Variants in DOC2A observed in about 807,000 individuals in gnomAD.
DOC2A encodes the protein double C2 domain alpha, also known as double C2-like domain-containing protein alpha.
A neutral mutation model predicts 40.6 loss-of-function variants in DOC2A; 28 were observed. That is an observed-to-expected ratio of 0.69 (90% CI 0.51 to 0.95). The LOEUF is 0.95. DOC2A is among the 40% of genes least tolerant of loss of function. The pLI, the probability that DOC2A is intolerant of heterozygous loss-of-function variation, is 0.00. For missense variants in DOC2A, 474 were observed against 552.5 expected (o/e 0.86, Z 1.42); for synonymous variants, 241 against 236.9 (o/e 1.02, Z -0.16).
At chr16:30,015,701 CT>C (rs71276819), upstream of DOC2A, among the ~76,000 whole-genome samples, 111 of 122,950 alleles carry the variant, frequency 9.0e-4, no homozygotes, top group Non-Finnish European at 9.4e-4. Context: ...CTTCCTTTTT[CT>C]TTTTTTTTTT....
chr16:30,022,488 T>C (rs2070926268), upstream of DOC2A, among the ~76,000 whole-genome samples: 1 of 151,666 alleles, frequency 6.6e-6, no homozygotes, highest in African/African-American at 2.4e-5. Flanking sequence ...CTGGGCAACA[T>C]AGCAAGCCCT....
rs764522373 is a variant in DOC2A, at chr16:30,010,953, G to GGGC, written c.-67_-65dup. On this transcript the variant is annotated 5_prime_UTR_variant, in exon 1 of 11. Coordinates refer to ENST00000350119, the MANE Select transcript of DOC2A (RefSeq NM_003586.3). This position sits in a 1 kb window ranked among gnomAD's most constrained non-coding sequence, Gnocchi z 4.2. Reference sequence around the variant, plus strand: ...ACTGGGGGGACGGCGGGCGCAGGCTGGGCGGCGGCGGCCGGCGAGGAGAGC... The same window carrying GGGC: ...ACTGGGGGGACGGCGGGCGCAGGCTGGGCGGCGGCGGCGGCCGGCGAGGAGAGC... 90 of 1,011,560 alleles carry GGGC rather than the reference G, an allele frequency of 8.9e-5. No individual in the cohort carries two copies. The East Asian group carries it at 6.7e-3, about 75-fold the overall frequency. 62.7% of individuals were successfully genotyped at this position (1,011,560 alleles called of 1,614,324 possible).
At chr16:30,011,519 GTCAT>G, upstream of DOC2A, 1 of 624,208 alleles carries the variant, frequency 1.6e-6, no homozygotes, top group Non-Finnish European at 2.0e-6. Flanking sequence ...CGGCCTCGTT[GTCAT>G]GGCGACGCCG....
intron 1 of DOC2A, among the ~76,000 whole-genome samples, chr16:30,018,375 T>A (rs748293197): frequency 6.6e-6 from 1 of 152,068 alleles, no homozygotes; most frequent in Non-Finnish European, 1.5e-5. Flanking sequence ...GCTTGGAGTG[T>A]AGCAGCACGA....
At chr16:30,022,217 A>G (rs2070920906), upstream of DOC2A, among the ~76,000 whole-genome samples, 1 of 120,208 alleles carries the variant, frequency 8.3e-6, no homozygotes, top group Non-Finnish European at 1.6e-5. Context: ...TCTGCACTCC[A>G]GCCTGGCGGA....
In DOC2A at chr16:30,005,990, C is replaced by T; in HGVS notation, c.*196G>A. The T allele has an allele frequency of 1.5e-6, 1 of 647,988 alleles. No homozygotes were observed. 40.1% of individuals were successfully genotyped at this position (647,988 alleles called of 1,614,324 possible). On this transcript the variant is annotated 3_prime_UTR_variant, in exon 11 of 11. Coordinates refer to ENST00000350119, the MANE Select transcript of DOC2A (RefSeq NM_003586.3). ...TGCATATTTGCAGGGACTAGCGAGT[C>T]AGGCAGGAGGTTTGCATATGTGAAT...
At chr16:30,017,992 A>T (rs181847631) in intron 1 of DOC2A, among the ~76,000 whole-genome samples, 1 of 135,420 alleles carries the variant, frequency 7.4e-6, no homozygotes, top group East Asian at 2.4e-4. Flanking sequence ...AGAAAAGAAA[A>T]TTGAGGCTGG....
At chr16:30,022,521 A>G (rs2070927367), upstream of DOC2A, among the ~76,000 whole-genome samples, 1 of 152,042 alleles carries the variant, frequency 6.6e-6, no homozygotes, top group African/African-American at 2.4e-5. Flanking sequence ...AAATGCAAAA[A>G]TTAGCCGGGC....
chr16:30,020,718 A>G (rs2150965070), intron 1 of DOC2A, among the ~76,000 whole-genome samples: 1 of 152,200 alleles, frequency 6.6e-6, no homozygotes, highest in East Asian at 1.9e-4. Context: ...ATGGTGGCAT[A>G]TGCTTTTGAT....
Position 30,010,843 on chromosome 16 carries a change from C to T in DOC2A, c.-14+60G>A. 2.0e-6 allele frequency: 2 copies of T among 984,322 alleles called. No homozygotes were observed. The highest frequency in any genetic ancestry group is 4.1e-5 in the South Asian group (1 of 24,516). 61.0% of individuals were successfully genotyped at this position (984,322 alleles called of 1,614,324 possible). A position where few individuals can be genotyped will look rare whatever the true frequency, so the allele number is the denominator to read the frequency against. Reference sequence around the variant, plus strand: ...GAGCCGAACACCCCCGTAGCGCACACAGGCTGGCACGCTTCCCCGCACCCT... The same window carrying T: ...GAGCCGAACACCCCCGTAGCGCACATAGGCTGGCACGCTTCCCCGCACCCT... On this transcript the variant is annotated intron_variant, in intron 1 of 10. Coordinates refer to ENST00000350119, the MANE Select transcript of DOC2A (RefSeq NM_003586.3). This position sits in a 1 kb window ranked among gnomAD's most constrained non-coding sequence, Gnocchi z 4.2.
At chr16:30,020,832 C>T (rs1429703269) in intron 1 of DOC2A, among the ~76,000 whole-genome samples, 1 of 151,814 alleles carries the variant, frequency 6.6e-6, no homozygotes, top group Non-Finnish European at 1.5e-5. Context: ...GGGCAACAGA[C>T]AGAGACTCCA....
chr16:30,016,043 ATATATATATATAT>A (rs2070851959), upstream of DOC2A, among the ~76,000 whole-genome samples: 4 of 22,716 alleles, frequency 1.8e-4, no homozygotes, highest in African/African-American at 4.8e-4. Flanking sequence ...ATATATATAT[ATATATATATATAT>A]TTTTTTTTTT....
In DOC2A at chr16:30,009,858, C is replaced by A; in HGVS notation, c.262+103G>T. The A allele has an allele frequency of 7.1e-7, 1 of 1,411,134 alleles. No individual in the cohort carries two copies. Among genetic ancestry groups the A allele is most frequent in the East Asian group, 2.4e-5 (1 of 41,684 alleles). 87.4% of individuals were successfully genotyped at this position (1,411,134 alleles called of 1,614,324 possible). A position where few individuals can be genotyped will look rare whatever the true frequency, so the allele number is the denominator to read the frequency against. ...GCCACCCCCCCACTGCCCTCCTCCC[C>A]TACCTACATGCACAGCCAGCAGGGC... On this transcript the variant is annotated intron_variant, in intron 2 of 10. Coordinates refer to ENST00000350119, the MANE Select transcript of DOC2A (RefSeq NM_003586.3). This position sits in a 1 kb window ranked among gnomAD's most constrained non-coding sequence, Gnocchi z 4.1.
upstream of DOC2A, chr16:30,011,492 C>G (rs1321789491): frequency 1.1e-6 from 1 of 885,442 alleles, no homozygotes; most frequent in African/African-American, 1.8e-5. Flanking sequence ...CCTCCCGGGT[C>G]CCCAAGGCCG....
chr16:30,007,778 C>T, intron 5 of DOC2A: 1 of 263,466 alleles, frequency 3.8e-6, no homozygotes, highest in Admixed American at 5.1e-5. Context: ...CCTGCAGTCC[C>T]TGCCCTGCCT....
rs1327087126 is a variant in DOC2A, at chr16:30,009,640, G to A, written c.263-83C>T. On this transcript the variant is annotated intron_variant, in intron 2 of 10. Coordinates refer to ENST00000350119, the MANE Select transcript of DOC2A (RefSeq NM_003586.3). The surrounding 1 kb of genome is among the most constrained non-coding windows in gnomAD (Gnocchi z 4.1). ...CAGCAGGTGGGCACTGGCTCTGTGTGTCTCTCTCTCTTGCCAGCCCGCGAG... is the reference window on the plus strand; with the variant it reads ...CAGCAGGTGGGCACTGGCTCTGTGTATCTCTCTCTCTTGCCAGCCCGCGAG... 5 of 1,261,096 alleles carry A rather than the reference G, an allele frequency of 4.0e-6. No individual in the cohort carries two copies. The East Asian group carries it at 1.3e-4, about 32-fold the overall frequency. The allele number at this position is 1,261,096 out of a possible 1,614,324, so 78.1% of individuals were successfully genotyped here. A position where few individuals can be genotyped will look rare whatever the true frequency, so the allele number is the denominator to read the frequency against.
chr16:30,009,487 G>A lies in DOC2A; in HGVS notation c.333C>T (p.Leu111=), dbSNP rs201359056. 1.9e-6 allele frequency: 3 copies of A among 1,551,522 alleles called. No homozygotes were observed. The African/African-American group carries it at 4.1e-5, about 21-fold the overall frequency. ...RASCTLHCSI[L]RAKGLKPMDF... Reference sequence around the variant, plus strand: ...GGCAGGGAGTGCCCACCTTGGCCCTGAGGATGCTACAGTGCAGAGTGCAGG... The same window carrying A: ...GGCAGGGAGTGCCCACCTTGGCCCTAAGGATGCTACAGTGCAGAGTGCAGG... The change falls in exon 3 of 11, where the codon CTC becomes CTT. Residue 111 remains leucine (L), a synonymous_variant. Coordinates refer to ENST00000350119, the MANE Select transcript of DOC2A (RefSeq NM_003586.3). This position sits in a 1 kb window ranked among gnomAD's most constrained non-coding sequence, Gnocchi z 4.1.
intron 1 of DOC2A, among the ~76,000 whole-genome samples, chr16:30,018,165 A>T: frequency 6.7e-6 from 1 of 148,154 alleles, no homozygotes; most frequent in Non-Finnish European, 1.5e-5. Flanking sequence ...ATGCAGTCCC[A>T]GCTACTTGGG....
chr16:30,022,684 C>A (rs184274295), upstream of DOC2A, among the ~76,000 whole-genome samples: 1 of 151,664 alleles, frequency 6.6e-6, no homozygotes, highest in Non-Finnish European at 1.5e-5. Flanking sequence ...TAAAATAGGC[C>A]GGGCGCTTTG....
Sources: allele counts gnomAD v4.1 joint callset (sites outside exome capture counted in the v4.1 genomes callset), GRCh38; gene constraint gnomAD v4.1.1; non-coding constraint Gnocchi (gnomAD v3.1); transcripts MANE v1.5; gene names NCBI Gene and HGNC (gene_info 2026-07-23, HGNC 2026-07-21).